The following DGKB variants were observed in gnomAD, a reference collection of about 807,000 sequenced individuals.
DGKB encodes diacylglycerol kinase beta.
Under a neutral mutation model 114.3 loss-of-function variants are expected in DGKB, and 67 were observed. The ratio of observed to expected loss-of-function variants is 0.59; its 90% CI spans 0.48 to 0.72. The LOEUF is 0.72. DGKB is among the 30% of genes least tolerant of loss of function. The probability of loss-of-function intolerance (pLI) is 0.00; values close to 1 mark genes in which losing one functional copy is unlikely to be tolerated. For missense variants in DGKB, 907 were observed against 975.2 expected, an observed-to-expected ratio of 0.93 and a Z score of 0.93; for synonymous variants, 398 against 323.1, an observed-to-expected ratio of 1.23 and a Z score of -2.49.
intron 1 of DGKB, among the ~76,000 whole-genome samples, chr7:14,901,537 T>C (rs1166345538): frequency 3.9e-5 from 6 of 152,092 alleles, no homozygotes; most frequent in Non-Finnish European, 1.5e-5. Flanking sequence ...TACAGTGTTT[T>C]CTCCAATGAT....
intron 20 of DGKB, among the ~76,000 whole-genome samples, chr7:14,481,017 A>G (rs1782908934): frequency 6.6e-6 from 1 of 151,960 alleles, no homozygotes; most frequent in Non-Finnish European, 1.5e-5. Context: ...ATTTTTAATT[A>G]ATTAAAAAAA....
At chr7:14,539,357 A>C (rs1793044669) in intron 20 of DGKB, among the ~76,000 whole-genome samples, 1 of 152,128 alleles carries the variant, frequency 6.6e-6, no homozygotes, top group African/African-American at 2.4e-5. Flanking sequence ...CCACACTGTC[A>C]TGTTTTCCTT....
At chr7:14,175,875 G>C (rs962544375) in intron 25 of DGKB, 1 of 152,138 alleles carries the variant, frequency 6.6e-6, no homozygotes, top group Non-Finnish European at 1.5e-5. Flanking sequence ...CACAATCTCA[G>C]CTCACTGCAA....
chr7:14,270,764 C>G (rs1242794740), intron 23 of DGKB, among the ~76,000 whole-genome samples: 2 of 152,146 alleles, frequency 1.3e-5, no homozygotes, highest in Non-Finnish European at 2.9e-5. Flanking sequence ...GCCTGTGAAG[C>G]CCTGTGCTGG....
intron 2 of DGKB, among the ~76,000 whole-genome samples, chr7:14,774,646 G>C (rs1198750340): frequency 6.6e-6 from 1 of 152,042 alleles, no homozygotes; most frequent in East Asian, 1.9e-4. Context: ...AATATATATA[G>C]TCATATGCAA....
chr7:14,923,600 A>G (rs1784611527), intron 1 of DGKB, among the ~76,000 whole-genome samples: 1 of 152,096 alleles, frequency 6.6e-6, no homozygotes, highest in African/African-American at 2.4e-5. Context: ...TCCTTGAAAC[A>G]TTGTATTCAT....
chr7:14,426,892 T>TAA (rs35537454), intron 21 of DGKB, among the ~76,000 whole-genome samples: 28 of 149,156 alleles, frequency 1.9e-4, no homozygotes, highest in East Asian at 1.2e-3. Flanking sequence ...CCATCTCTAC[T>TAA]AAAAAAAAAA....
chr7:14,364,564 C>A (rs1047287221), intron 21 of DGKB, among the ~76,000 whole-genome samples: 2 of 152,146 alleles, frequency 1.3e-5, no homozygotes, highest in South Asian at 2.1e-4. Flanking sequence ...TAGGTAAAAT[C>A]ATTTTCATTG....
At chr7:14,509,761 T>G (rs991388648) in intron 20 of DGKB, among the ~76,000 whole-genome samples, 1 of 152,226 alleles carries the variant, frequency 6.6e-6, no homozygotes, top group East Asian at 1.9e-4. Flanking sequence ...TCTGTCTCTT[T>G]CTAACTCCTT....
intron 25 of DGKB, among the ~76,000 whole-genome samples, chr7:14,173,434 CCCA>C (rs1296652457): frequency 1.3e-5 from 2 of 152,140 alleles, no homozygotes; most frequent in East Asian, 1.9e-4. Flanking sequence ...ACCATCACTA[CCCA>C]CCAACTCCAA....
At position 14,653,276 on chromosome 7, in the gene DGKB, C is replaced by A. The variant is rs538442615; in HGVS notation, c.1134+19653G>T. 7.0e-3 allele frequency among the ~76,000 whole-genome samples: 1,062 copies of A among 151,452 alleles called. 11 individuals are homozygous for A. Among genetic ancestry groups the A allele is most frequent in the African/African-American group, 0.024 (1,001 of 41,082 alleles). ...AACCCAAATGTCCCACAATGATAGACTGGATTAAGAAAATGTGGCGCATAT... is the reference window on the plus strand; with the variant it reads ...AACCCAAATGTCCCACAATGATAGAATGGATTAAGAAAATGTGGCGCATAT... On this transcript the variant is annotated intron_variant, in intron 13 of 25. Transcript: ENST00000402815.
chr7:14,953,046 C>T (rs1786297098), intron 1 of DGKB, among the ~76,000 whole-genome samples: 1 of 151,912 alleles, frequency 6.6e-6, no homozygotes, highest in African/African-American at 2.4e-5. Context: ...TCACACCCAA[C>T]ATAAAAATTT....
At chr7:14,513,107 G>A (rs1040198795) in intron 20 of DGKB, among the ~76,000 whole-genome samples, 19 of 151,946 alleles carry the variant, frequency 1.3e-4, no homozygotes, top group African/African-American at 3.9e-4. Flanking sequence ...AGGAGATGAG[G>A]TTTTCATTCA....
chr7:14,318,729 C>T lies in DGKB; in HGVS notation c.2122+19786G>A, dbSNP rs1447663429. ...TCACCCATTGTGGAAGTCAGTGTGG[C>T]GATTCCTCAGGGATCTAGAACTAGA... On this transcript the variant is annotated intron_variant, in intron 23 of 25. Coordinates refer to ENST00000402815, the MANE Select transcript of DGKB (RefSeq NM_001350709.2). Among the ~76,000 whole-genome samples the T allele has an allele frequency of 7.9e-5, 12 of 152,156 alleles. No individual in the cohort carries two copies. The East Asian group carries it at 1.5e-3, about 20-fold the overall frequency.
At chr7:14,317,573 T>C (rs918370782) in intron 23 of DGKB, among the ~76,000 whole-genome samples, 10 of 150,050 alleles carry the variant, frequency 6.7e-5, no homozygotes, top group Non-Finnish European at 1.5e-4. Context: ...GAATCCAACT[T>C]ACAAGGGATG....
At chr7:14,855,989 A>G (rs13241477) in intron 1 of DGKB, among the ~76,000 whole-genome samples, 12 of 57,632 alleles carry the variant, frequency 2.1e-4, no homozygotes, top group Non-Finnish European at 3.8e-4. Flanking sequence ...GATAATGTGT[A>G]TATATATATA....
At chr7:14,337,769 G>A (rs1810942706) in intron 23 of DGKB, among the ~76,000 whole-genome samples, 1 of 152,002 alleles carries the variant, frequency 6.6e-6, no homozygotes, top group Non-Finnish European at 1.5e-5. Flanking sequence ...AATTCTAGAA[G>A]GTAAAAATGA....
chr7:14,705,888 T>C (rs1826134388), intron 6 of DGKB, among the ~76,000 whole-genome samples: 1 of 150,304 alleles, frequency 6.7e-6, no homozygotes, highest in Non-Finnish European at 1.5e-5. Context: ...CCATCGAGAC[T>C]AGGAAGAAAC....
At chr7:14,689,207 T>TA (rs71004326) in intron 9 of DGKB, among the ~76,000 whole-genome samples, 2,109 of 125,006 alleles carry the variant, frequency 0.017, 80 homozygotes, top group East Asian at 0.051. Flanking sequence ...TTATTTTTTT[T>TA]TTTTTTTTTT....
Sources: gnomAD v4.1 joint callset for allele counts (sites outside exome capture counted in the v4.1 genomes callset) on GRCh38, gnomAD v4.1.1 for gene constraint, MANE v1.5 for transcripts, NCBI Gene and HGNC (gene_info 2026-07-23, HGNC 2026-07-21) for gene names.